NCOA1: variants seen among roughly 807,000 people sequenced by gnomAD.
NCOA1 encodes Hin-2 protein.
A neutral mutation model predicts 150.9 loss-of-function variants in NCOA1; 35 were observed. The observed-to-expected ratio is 0.23, with a 90% CI of 0.18 to 0.31. The LOEUF (loss-of-function observed/expected upper bound fraction) is 0.31, where lower values mean the gene tolerates loss of function less well. Ranked by LOEUF, NCOA1 falls within the 10% of genes least tolerant of loss-of-function variation. The probability of loss-of-function intolerance (pLI) is 1.00; values close to 1 mark genes in which losing one functional copy is unlikely to be tolerated. For synonymous variants in NCOA1, 590 were observed against 630.0 expected (o/e 0.94, Z 0.95); for missense variants, 1,491 against 1,749.3 (o/e 0.85, Z 2.63).
chr2:24,690,909 G>A (rs921356566), intron 8 of NCOA1, among the ~76,000 whole-genome samples: 5 of 152,066 alleles, frequency 3.3e-5, no homozygotes, highest in Non-Finnish European at 7.4e-5. Context: ...CATATGAACT[G>A]TGCTAGTTAA....
At chr2:24,599,631 A>G (rs1483288738) in intron 3 of NCOA1, among the ~76,000 whole-genome samples, 1 of 152,122 alleles carries the variant, frequency 6.6e-6, no homozygotes, top group Non-Finnish European at 1.5e-5. Flanking sequence ...GCTATGACTT[A>G]AATATACTAC....
chr2:24,646,915 A>C (rs1476346455), intron 4 of NCOA1, among the ~76,000 whole-genome samples: 1 of 152,046 alleles, frequency 6.6e-6, no homozygotes, highest in Non-Finnish European at 1.5e-5. Flanking sequence ...TAGGGTTTGC[A>C]AAAGCAGAAC....
intron 17 of NCOA1, among the ~76,000 whole-genome samples, chr2:24,730,935 G>A (rs1386290603): frequency 6.6e-6 from 1 of 150,528 alleles, no homozygotes; most frequent in Admixed American, 6.6e-5. Flanking sequence ...CTACTCTGGA[G>A]GTTGAGGCAG....
chr2:24,604,656 A>G (rs1668276596), intron 3 of NCOA1, among the ~76,000 whole-genome samples: 1 of 152,130 alleles, frequency 6.6e-6, no homozygotes, highest in South Asian at 2.1e-4. Context: ...CTTGTTCTGG[A>G]TTAGTTTTTG....
intron 1 of NCOA1, chr2:24,554,471 AGAG>A (rs1471357480): frequency 6.6e-6 from 1 of 152,142 alleles, no homozygotes; most frequent in African/African-American, 2.4e-5. Flanking sequence ...GGAGAGGAAA[AGAG>A]GACAGGAGAT....
At chr2:24,684,587 A>C (rs541320803) in intron 8 of NCOA1, among the ~76,000 whole-genome samples, 4 of 152,330 alleles carry the variant, frequency 2.6e-5, no homozygotes, top group African/African-American at 9.6e-5. Context: ...TGGCCTGACA[A>C]TTCATTGTTG....
intron 6 of NCOA1, among the ~76,000 whole-genome samples, chr2:24,667,232 C>G (rs896780402): frequency 2.0e-5 from 3 of 152,176 alleles, no homozygotes; most frequent in Non-Finnish European, 4.4e-5. Context: ...GCAAGAGGCT[C>G]TCTGCCCCTT....
chr2:24,534,842 A>AT (rs1276841702), intron 1 of NCOA1, among the ~76,000 whole-genome samples: 1 of 152,082 alleles, frequency 6.6e-6, no homozygotes, highest in African/African-American at 2.4e-5. Context: ...GTTCTTTTAC[A>AT]TTTGCTGAGG....
intron 1 of NCOA1, among the ~76,000 whole-genome samples, chr2:24,542,903 A>G (rs1665458743): frequency 6.6e-6 from 1 of 152,206 alleles, no homozygotes; most frequent in Admixed American, 6.5e-5. Flanking sequence ...TTTTATTTTG[A>G]TTACTTGTAA....
intron 13 of NCOA1, among the ~76,000 whole-genome samples, chr2:24,710,253 C>T (rs1434591889): frequency 1.3e-5 from 2 of 152,000 alleles, no homozygotes; most frequent in Non-Finnish European, 2.9e-5. Flanking sequence ...GCCACGATGC[C>T]TGGCTAATTT....
intron 7 of NCOA1, among the ~76,000 whole-genome samples, chr2:24,680,715 G>A (rs1227820573): frequency 1.3e-5 from 2 of 152,066 alleles, no homozygotes; most frequent in Non-Finnish European, 2.9e-5. Flanking sequence ...CAAAGAGAGA[G>A]CTTTTAAGTG....
chr2:24,558,200 T>G (rs951685726), intron 1 of NCOA1, among the ~76,000 whole-genome samples: 22 of 152,300 alleles, frequency 1.4e-4, no homozygotes, highest in African/African-American at 5.1e-4. Context: ...TTGACCTGTA[T>G]GCAAGTTCAC....
At chr2:24,591,973 A>C (rs994304122) in intron 3 of NCOA1, among the ~76,000 whole-genome samples, 20 of 152,148 alleles carry the variant, frequency 1.3e-4, no homozygotes, top group African/African-American at 4.8e-4. Flanking sequence ...CACAATTTGC[A>C]ATCATGTATT....
At chr2:24,747,132 A>G (rs1198028914) in intron 19 of NCOA1, among the ~76,000 whole-genome samples, 1 of 151,968 alleles carries the variant, frequency 6.6e-6, no homozygotes, top group African/African-American at 2.4e-5. Context: ...AACCACAAAA[A>G]AGTCATCTTC....
At chr2:24,491,747 T>C (rs1662969288) in intron 1 of NCOA1, among the ~76,000 whole-genome samples, 145 bp downstream of exon 1, 1 of 149,988 alleles carries the variant, frequency 6.7e-6, no homozygotes, top group Admixed American at 6.6e-5. Flanking sequence ...TCCTCCCACT[T>C]CCCCGAGTTC....
intron 1 of NCOA1, among the ~76,000 whole-genome samples, chr2:24,546,185 A>C (rs1467634313): frequency 6.6e-6 from 1 of 152,052 alleles, no homozygotes; most frequent in African/African-American, 2.4e-5. Context: ...AGCCTGGGCT[A>C]CGGAGCAAGA....
chr2:24,663,965 G>A (rs1003072725), intron 5 of NCOA1, among the ~76,000 whole-genome samples: 2 of 152,132 alleles, frequency 1.3e-5, no homozygotes, highest in South Asian at 2.1e-4. Flanking sequence ...CAGTTTACTC[G>A]TGTTGCAGTT....
At chr2:24,754,485 T>G (rs1383379314) in intron 20 of NCOA1, among the ~76,000 whole-genome samples, 1 of 152,192 alleles carries the variant, frequency 6.6e-6, no homozygotes, top group Non-Finnish European at 1.5e-5. Context: ...TTTTAATCTC[T>G]CTGCTGGAAT....
intron 3 of NCOA1, among the ~76,000 whole-genome samples, chr2:24,612,592 T>C (rs941222213): frequency 6.6e-6 from 1 of 152,160 alleles, no homozygotes; most frequent in East Asian, 1.9e-4. Context: ...TTTTTTGAAT[T>C]CTTTTTTCTT....
Sources: allele counts gnomAD v4.1 joint callset (sites outside exome capture counted in the v4.1 genomes callset), GRCh38; gene constraint gnomAD v4.1.1; transcripts MANE v1.5; gene names NCBI Gene and HGNC (gene_info 2026-07-23, HGNC 2026-07-21).